The following RFX4 variants were observed in gnomAD, a reference collection of about 807,000 sequenced individuals.
RFX4 encodes regulatory factor X4, also known as transcription factor RFX4.
In RFX4, 10 loss-of-function variants were observed where a neutral mutation model predicts 95.0. The ratio of observed to expected loss-of-function variants is 0.11; its 90% confidence interval spans 0.06 to 0.18. The LOEUF (loss-of-function observed/expected upper bound fraction) is 0.18, where lower values mean the gene tolerates loss of function less well. Among genes scored for constraint, RFX4 ranks in the 10% least tolerant of loss-of-function variants. The pLI is 1.00. For missense variants in RFX4, 640 were observed against 922.0 expected (o/e 0.69, Z 3.96); for synonymous variants, 321 against 340.7 (o/e 0.94, Z 0.64).
chr12:106,716,203 C>T (rs1357204730), intron 11 of RFX4, among the ~76,000 whole-genome samples: 1 of 152,062 alleles, frequency 6.6e-6, no homozygotes, highest in African/African-American at 2.4e-5. Flanking sequence ...CAGCTGACTG[C>T]CCAGGGCATC....
intron 7 of RFX4, among the ~76,000 whole-genome samples, chr12:106,696,029 C>T (rs970841013): frequency 5.3e-5 from 8 of 149,704 alleles, no homozygotes; most frequent in Non-Finnish European, 1.2e-4. Flanking sequence ...TCTTTTGGGG[C>T]AGAGGAGACC....
chr12:106,611,809 T>C (rs2039967607), intron 2 of RFX4, among the ~76,000 whole-genome samples: 1 of 152,146 alleles, frequency 6.6e-6, no homozygotes, highest in Non-Finnish European at 1.5e-5. Context: ...CTGTGCCTGC[T>C]GTAGTCCAGC....
intron 10 of RFX4, 34 bp downstream of exon 10, chr12:106,711,545 C>T (rs2042191191): frequency 6.3e-7 from 1 of 1,594,188 alleles, no homozygotes; most frequent in Non-Finnish European, 8.6e-7. Context: ...TTAATCACTG[C>T]TGAGTCATTG....
intron 8 of RFX4, among the ~76,000 whole-genome samples, chr12:106,705,820 C>T (rs1264708758): frequency 1.3e-5 from 2 of 152,170 alleles, no homozygotes; most frequent in African/African-American, 4.8e-5. Context: ...CATTCTTACA[C>T]TTCACTTAAC....
chr12:106,653,514 C>A (rs2040895594), intron 3 of RFX4, among the ~76,000 whole-genome samples: 1 of 152,182 alleles, frequency 6.6e-6, no homozygotes, highest in African/African-American at 2.4e-5. Flanking sequence ...CCAAGGTCAC[C>A]AAGCCAGCAA....
rs532140877 is a variant in RFX4, at chr12:106,716,579, G to A, written c.1138+1035G>A. ...CTTTTCAAAAGCAAATGTAACAGCC[G>A]AAATGTTTGAACATGTGGACCTTCC... is the stretch of plus-strand genomic sequence containing the variant. On this transcript the variant is annotated intron_variant, in intron 11 of 17. Coordinates refer to ENST00000392842, the MANE Select transcript of RFX4 (RefSeq NM_213594.3). 7.2e-5 allele frequency among the ~76,000 whole-genome samples: 11 copies of A among 152,162 alleles called. No homozygotes were observed. The East Asian group carries it at 1.7e-3, about 24-fold the overall frequency.
In RFX4 at chr12:106,720,338, A is replaced by G. The variant is rs1257648856; in HGVS notation, c.1233+284A>G. On this transcript the variant is annotated intron_variant, in intron 12 of 17. Coordinates refer to ENST00000392842, the MANE Select transcript of RFX4 (RefSeq NM_213594.3). The surrounding 1 kb of genome is among the most constrained non-coding windows in gnomAD (Gnocchi z 4.2). ...AACAAAACAAAAACCATTGCTCCATAGCATTGACTTTGAAGACCATAAGCC... is the reference window on the plus strand; with the variant it reads ...AACAAAACAAAAACCATTGCTCCATGGCATTGACTTTGAAGACCATAAGCC... 6.6e-6 allele frequency among the ~76,000 whole-genome samples: 1 copy of G among 152,214 alleles called. No individual in the cohort carries two copies. Among genetic ancestry groups the G allele is most frequent in the African/African-American group, 2.4e-5 (1 of 41,452 alleles).
At chr12:106,711,399 A>G (rs1592968726) in intron 9 of RFX4, 54 bp from the exon 10 acceptor site, 2 of 1,540,764 alleles carry the variant, frequency 1.3e-6, no homozygotes, top group East Asian at 4.5e-5. Flanking sequence ...GGAAAATCCA[A>G]GTTAGAATCA....
intron 1 of RFX4, among the ~76,000 whole-genome samples, chr12:106,602,734 C>G (rs1206017165): frequency 6.6e-6 from 1 of 152,196 alleles, no homozygotes; most frequent in East Asian, 1.9e-4. Context: ...TGCTCATAGG[C>G]TCTTTCTTCC....
intron 8 of RFX4, among the ~76,000 whole-genome samples, chr12:106,700,572 AATTT>A (rs2041968881): frequency 6.6e-6 from 1 of 150,976 alleles, no homozygotes; most frequent in African/African-American, 2.4e-5. Context: ...ACGCCCGGCT[AATTT>A]TTTGTATTTT....
chr12:106,697,619 G>A (rs2041905944), intron 8 of RFX4, among the ~76,000 whole-genome samples: 1 of 152,040 alleles, frequency 6.6e-6, no homozygotes, highest in South Asian at 2.1e-4. Context: ...GAGGCTCTAA[G>A]GGAGAGTATG....
intron 4 of RFX4, among the ~76,000 whole-genome samples, chr12:106,655,541 A>G (rs904919772): frequency 2.6e-5 from 4 of 152,158 alleles, no homozygotes; most frequent in Non-Finnish European, 4.4e-5. Flanking sequence ...GAGAGCACAC[A>G]AGGTGGATGT....
chr12:106,620,964 C>T (rs571416248), intron 2 of RFX4, among the ~76,000 whole-genome samples: 1 of 152,134 alleles, frequency 6.6e-6, no homozygotes, highest in Non-Finnish European at 1.5e-5. Flanking sequence ...AAATATGGCT[C>T]TTTTTGTCTG....
intron 1 of RFX4, among the ~76,000 whole-genome samples, chr12:106,591,924 G>C (rs1334640225): frequency 1.3e-5 from 2 of 152,152 alleles, no homozygotes; most frequent in Non-Finnish European, 2.9e-5. Context: ...CATCAGACAA[G>C]GTTCAAATCC....
chr12:106,653,120 G>A (rs2040887038), intron 3 of RFX4, among the ~76,000 whole-genome samples: 1 of 152,138 alleles, frequency 6.6e-6, no homozygotes, highest in Admixed American at 6.5e-5. Flanking sequence ...TTCCCAAATT[G>A]TCTTGTGCCA....
At chr12:106,757,459 G>C (rs1013609699) in intron 17 of RFX4, among the ~76,000 whole-genome samples, 4 of 150,410 alleles carry the variant, frequency 2.7e-5, no homozygotes, top group African/African-American at 9.8e-5. Flanking sequence ...CAGGTGGGAG[G>C]ATCACTTAAG....
chr12:106,679,515 C>A (rs2041464550), intron 4 of RFX4, among the ~76,000 whole-genome samples: 1 of 151,712 alleles, frequency 6.6e-6, no homozygotes, highest in African/African-American at 2.4e-5. Context: ...CCATTTGTAT[C>A]GGAGAAATTT....
rs1310723692 is a variant in RFX4, at chr12:106,762,619, C to T, written c.*1150C>T. On this transcript the variant is annotated 3_prime_UTR_variant, in exon 18 of 18. Coordinates refer to ENST00000392842, the MANE Select transcript of RFX4 (RefSeq NM_213594.3). ...CCAAGCAATTATGGTGGACCTATTACCCTATGGGTAAGAAATAAATGGAAA... is the reference window on the plus strand; with the variant it reads ...CCAAGCAATTATGGTGGACCTATTATCCTATGGGTAAGAAATAAATGGAAA... 3.3e-5 allele frequency: 5 copies of T among 152,442 alleles called. No homozygotes were observed. The highest frequency in any genetic ancestry group is 1.2e-4 in the African/African-American group (5 of 41,382). The allele number at this position is 152,442 out of a possible 1,614,324, so 9.4% of individuals were successfully genotyped here.
At chr12:106,724,747 C>T (rs144127074) in intron 13 of RFX4, among the ~76,000 whole-genome samples, 357 of 152,200 alleles carry the variant, frequency 2.3e-3, no homozygotes, top group Non-Finnish European at 3.5e-3. Flanking sequence ...TTCAGCTGGG[C>T]GCGATGGCTC....
Sources: gnomAD v4.1 joint callset for allele counts (sites outside exome capture counted in the v4.1 genomes callset) on GRCh38, gnomAD v4.1.1 for gene constraint, Gnocchi (gnomAD v3.1) non-coding constraint, MANE v1.5 for transcripts, NCBI Gene and HGNC (gene_info 2026-07-23, HGNC 2026-07-21) for gene names.